Variants in TTN observed in about 807,000 individuals in gnomAD.
The protein encoded by TTN is connectin.
TTN carries 1,525 observed loss-of-function variants against 3,223.0 expected under a neutral mutation model. That is an observed-to-expected ratio of 0.47 (90% CI 0.45 to 0.49). The LOEUF (loss-of-function observed/expected upper bound fraction) is 0.49. TTN is among the 20% of genes least tolerant of loss of function. The pLI, the probability that TTN is intolerant of heterozygous loss-of-function variation, is 0.00. For missense variants in TTN, 40,786 were observed against 43,424.0 expected (o/e 0.94, Z 5.40); for synonymous variants, 14,094 against 15,161.0 (o/e 0.93, Z 5.17).
Position 178,633,577 on chromosome 2 carries a change from T to C in TTN, c.42782A>G (p.Lys14261Arg). 6.2e-7 allele frequency: 1 copy of C among 1,613,370 alleles called. No homozygotes were observed. The highest frequency in any genetic ancestry group is 8.5e-7 in the Non-Finnish European group (1 of 1,179,594). ...KCEVSKDVPV[K>R]WFKDGEEIVP... ...AATCTCTTCACCATCTTTGAACCATTTCACTGGTACATCTTTGCTCACTTC... is the reference window on the plus strand; with the variant it reads ...AATCTCTTCACCATCTTTGAACCATCTCACTGGTACATCTTTGCTCACTTC... The change falls in exon 232 of 363, where the codon AAA becomes AGA. Residue 14261 changes from lysine (K) to arginine (R), a missense_variant. Lys to Arg is a conservative substitution (Grantham distance 26, BLOSUM62 2). Coordinates refer to ENST00000589042, the MANE Select transcript of TTN (RefSeq NM_001267550.2).
intron 335 of TTN, 126 bp from the exon 336 acceptor site, chr2:178,551,386 T>C: frequency 1.3e-6 from 1 of 777,974 alleles, no homozygotes; most frequent in Non-Finnish European, 1.8e-6. Flanking sequence ...ATAAGTAATT[T>C]ATTCAATCTC....
At chr2:178,640,454 T>C (rs2061091062) in intron 221 of TTN, 87 bp downstream of exon 221, 1 of 1,242,676 alleles carries the variant, frequency 8.0e-7, no homozygotes, top group South Asian at 1.3e-5. Flanking sequence ...AGGTCATGTG[T>C]TCAAATCTTG....
chr2:178,549,498 A>G (rs1698468453), intron 338 of TTN, 25 bp from the exon 339 acceptor site: 1 of 1,593,386 alleles, frequency 6.3e-7, no homozygotes, highest in Non-Finnish European at 8.6e-7. Flanking sequence ...CAAAACCCCA[A>G]ATCAATTAGA....
intron 129 of TTN, 97 bp from the exon 130 acceptor site, chr2:178,685,086 A>C: frequency 3.3e-6 from 4 of 1,201,284 alleles, no homozygotes; most frequent in Non-Finnish European, 4.8e-6. Context: ...GATTGCACAT[A>C]TATACAAACG....
In TTN at chr2:178,735,638, G is replaced by C; in HGVS notation, c.14808C>G (p.Ile4936Met). The C allele has an allele frequency of 6.2e-7, 1 of 1,613,746 alleles. No individual in the cohort carries two copies. The highest frequency in any genetic ancestry group is 8.5e-7 in the Non-Finnish European group (1 of 1,179,796). The change falls in exon 50 of 363, where the codon ATC (isoleucine) becomes ATG (methionine). Residue 4936 changes from isoleucine to methionine, a missense_variant. Transcript: ENST00000589042. ...QKLPPGKDYKICFEDKIATLE... is the reference protein window; with the variant it reads ...QKLPPGKDYKMCFEDKIATLE... ...GTGTTGCTATTTTATCTTCAAAACA[G>C]ATCTTATAATCTTTCCCTGGGGGGA... is the stretch of plus-strand genomic sequence containing the variant.
chr2:178,748,817 A>G (rs993484749), intron 47 of TTN: 4 of 1,611,790 alleles, frequency 2.5e-6, no homozygotes, highest in Non-Finnish European at 3.4e-6. Flanking sequence ...ATTTATTGCA[A>G]TGTTAGATGA....
At chr2:178,805,040 T>A (rs2094249463) in intron 1 of TTN, among the ~76,000 whole-genome samples, 1 of 152,152 alleles carries the variant, frequency 6.6e-6, no homozygotes, top group South Asian at 2.1e-4. Flanking sequence ...AGACATGTGA[T>A]AAATGTAAAA....
At chr2:178,616,133 T>C (rs1283384964) in intron 257 of TTN, among the ~76,000 whole-genome samples, 2 of 151,974 alleles carry the variant, frequency 1.3e-5, no homozygotes, top group African/African-American at 4.8e-5. Flanking sequence ...TAAGGTATTC[T>C]AGTGGAATAA....
At chr2:178,624,409 T>A in intron 242 of TTN, 56 bp downstream of exon 242, 1 of 1,602,886 alleles carries the variant, frequency 6.2e-7, no homozygotes, top group Non-Finnish European at 8.5e-7. Context: ...GTTGTTTTGT[T>A]GTTGTAGTTA....
rs1413352791 is a variant in TTN at position 178,554,980 on chromosome 2, C to T, written c.88479G>A (p.Thr29493=). The part of the protein sequence containing the change: ...TNALVCVENT[T]DLASILIKDA... ...CTTTGATGAGTATAGATGCGAGGTC[C>T]GTGGTATTTTCAACACACACCAGTG... Residue 29493 remains threonine (T), a synonymous_variant, in exon 331 of 363, where the codon ACG becomes ACA. Transcript: ENST00000589042. The T allele has an allele frequency of 4.3e-6, 7 of 1,613,622 alleles. No homozygotes were observed. Among genetic ancestry groups the T allele is most frequent in the Non-Finnish European group, 5.9e-6 (7 of 1,179,764 alleles).
At position 178,724,363 on chromosome 2, in the gene TTN, G is replaced by A. The variant is rs1437753880; in HGVS notation, c.21012C>T (p.Ser7004=). The stretch of plus-strand genomic sequence containing the variant: ...GCCTTTCAACTGAGAGAATCCTTAA[G>A]GAAGAGATTTTGTTGTAGAAGCTAA... ...HKFSFYNKIS[S]LRILSVERQD... The change falls in exon 72 of 363, where the codon TCC becomes TCT. Residue 7004 remains serine, a synonymous_variant. Transcript: ENST00000589042. The A allele has an allele frequency of 1.1e-5, 17 of 1,613,432 alleles. No homozygotes were observed. Among genetic ancestry groups the A allele is most frequent in the Non-Finnish European group, 1.3e-5 (15 of 1,179,620 alleles).
chr2:178,789,632 G>A lies in TTN; in HGVS notation c.1939-135C>T, dbSNP rs1161721791. 106 of 1,226,258 alleles carry A rather than the reference G, an allele frequency of 8.6e-5. 1 individual carries two copies. The highest frequency in any genetic ancestry group is 1.9e-4 in the Middle Eastern group (1 of 5,382). The allele number at this position is 1,226,258 out of a possible 1,614,324, so 76.0% of individuals were successfully genotyped here. ...TACACAAGAGAAATAAACTTTCACC[G>A]GCAATGTCTACATATACTGACTGAG... On this transcript the variant is annotated intron_variant, in intron 12 of 362. Coordinates refer to ENST00000589042, the MANE Select transcript of TTN (RefSeq NM_001267550.2).
intron 49 of TTN, among the ~76,000 whole-genome samples, chr2:178,736,890 A>G (rs1183637608): frequency 6.6e-6 from 1 of 152,180 alleles, no homozygotes; most frequent in Non-Finnish European, 1.5e-5. Flanking sequence ...TGTAGAGAAG[A>G]GGAAGCTATA....
rs189982326 is a variant in TTN, at chr2:178,758,941, C to T, written c.10303+43G>A. 8 of 1,563,032 alleles carry T rather than the reference C, an allele frequency of 5.1e-6. No homozygotes were observed. The East Asian group carries it at 6.7e-5, about 13-fold the overall frequency. Reference sequence around the variant, plus strand: ...AATTGTTACAGACATTGTTAAGATTCGATCTATATTTAAATGGGGTTCTGA... The same window carrying T: ...AATTGTTACAGACATTGTTAAGATTTGATCTATATTTAAATGGGGTTCTGA... On this transcript the variant is annotated intron_variant, in intron 44 of 362. Transcript: ENST00000589042.
At position 178,605,460 on chromosome 2, in the gene TTN, T is replaced by A. The variant is rs556413709; in HGVS notation, c.53835A>T (p.Glu17945Asp). The A allele has an allele frequency of 4.3e-6, 7 of 1,611,420 alleles. No homozygotes were observed. The East Asian group carries it at 1.6e-4, about 36-fold the overall frequency. The change falls in exon 279 of 363, where the codon GAA (glutamate) becomes GAT (aspartate). Residue 17945 changes from glutamate (E) to aspartate (D), a missense_variant. Physicochemically the swap from Glu to Asp is conservative, Grantham distance 45. Transcript: ENST00000589042. ...CATTAAGAGGTAGGGATGGTTCACT[T>A]TCACCAATTTCATTGACAGCTTTGA... The part of the protein sequence containing the change: ...FRVKAVNEIG[E>D]SEPSLPLNVV...
Position 178,581,818 on chromosome 2 carries a change from A to T in TTN, c.66464-14T>A, listed in dbSNP as rs780271358. The T allele has an allele frequency of 1.3e-6, 2 of 1,593,960 alleles. No homozygotes were observed. Among genetic ancestry groups the T allele is most frequent in the Non-Finnish European group, 1.7e-6 (2 of 1,171,662 alleles). On this transcript the variant is annotated splice_polypyrimidine_tract_variant and intron_variant, in intron 315 of 362. Coordinates refer to ENST00000589042, the MANE Select transcript of TTN (RefSeq NM_001267550.2). Reference sequence around the variant, plus strand: ...GGCCAGGAGGATCTGAGAATAAATAATGATAGGAAATTTTCATGAAAACTT... The same window carrying T: ...GGCCAGGAGGATCTGAGAATAAATATTGATAGGAAATTTTCATGAAAACTT...
chr2:178,707,502 A>T, intron 100 of TTN, 24 bp downstream of exon 100: 1 of 1,597,392 alleles, frequency 6.3e-7, no homozygotes, highest in Non-Finnish European at 8.6e-7. Context: ...CTTGAGCTGC[A>T]TAATACTTTT....
rs72650025 is a variant in TTN, at chr2:178,689,612, T to C, written c.31847-17A>G. 4.8e-3 allele frequency: 7,621 copies of C among 1,581,904 alleles called. 24 individuals carry two copies. Among genetic ancestry groups the C allele is most frequent in the Non-Finnish European group, 6.0e-3 (7,036 of 1,166,964 alleles). On this transcript the variant is annotated splice_polypyrimidine_tract_variant and intron_variant, in intron 122 of 362. Coordinates refer to ENST00000589042, the MANE Select transcript of TTN (RefSeq NM_001267550.2). ...CTTCAGGAACTTGAAGAGACATTTTTAGAATTGACTTTATATTTTCTAAAG... is the reference window on the plus strand; with the variant it reads ...CTTCAGGAACTTGAAGAGACATTTTCAGAATTGACTTTATATTTTCTAAAG...
intron 147 of TTN, among the ~76,000 whole-genome samples, chr2:178,676,901 A>G (rs1420525798): frequency 6.6e-6 from 1 of 151,700 alleles, no homozygotes; most frequent in Non-Finnish European, 1.5e-5. Context: ...AATATATAGT[A>G]TACTTATTCA....
Sources: allele counts gnomAD v4.1 joint callset (sites outside exome capture counted in the v4.1 genomes callset), GRCh38; gene constraint gnomAD v4.1.1; transcripts MANE v1.5; gene names NCBI Gene and HGNC (gene_info 2026-07-23, HGNC 2026-07-21).